NOPCHAP1: variants seen among roughly 807,000 people sequenced by gnomAD.
NOPCHAP1 encodes NOP protein chaperone 1.
NOPCHAP1 carries 13 observed loss-of-function variants against 14.0 expected under a neutral mutation model. The observed-to-expected ratio is 0.93, with a 90% CI of 0.60 to 1.47. NOPCHAP1 has a LOEUF of 1.47. NOPCHAP1 is among the 40% of genes most tolerant of loss of function. The pLI, the probability that NOPCHAP1 is intolerant of heterozygous loss-of-function variation, is 0.00. For synonymous variants in NOPCHAP1, 78 were observed against 78.4 expected (o/e 1.00, Z 0.03); for missense variants, 230 against 226.9 (o/e 1.01, Z -0.09).
chr12:104,991,835 A>C lies in NOPCHAP1; in HGVS notation c.326A>C (p.Lys109Thr), dbSNP rs749405652. ...GAAAACATTGATGGGCCTCATAGTA[A>C]AGTTATACAAATGGTAACTATGCTT... ...NIENIDGPHSKVIQMDVALFE... is the reference protein window; with the variant it reads ...NIENIDGPHSTVIQMDVALFE... Residue 109 changes from lysine (K) to threonine (T), a missense_variant, in exon 3 of 4, where the codon AAA (lysine) becomes ACA (threonine). Coordinates refer to ENST00000552951, the MANE Select transcript of NOPCHAP1 (RefSeq NM_152318.3). 7 of 1,608,324 alleles carry C rather than the reference A, an allele frequency of 4.4e-6. No individual in the cohort carries two copies. The highest frequency in any genetic ancestry group is 5.1e-6 in the Non-Finnish European group (6 of 1,178,508).
Position 105,016,427 on chromosome 12 carries a change from G to A in NOPCHAP1, c.*21731G>A, listed in dbSNP as rs181826074. The A allele has an allele frequency of 1.2e-4, 19 of 152,294 alleles. 1 individual carries two copies. The East Asian group carries it at 3.3e-3, about 26-fold the overall frequency. 9.4% of individuals were successfully genotyped at this position (152,294 alleles called of 1,614,324 possible). On this transcript the variant is annotated 3_prime_UTR_variant, in exon 4 of 4. Transcript: ENST00000552951. Reference sequence around the variant, plus strand: ...TGGAGTTGTAAATGTAACTTTTGAGGACTTTATTGTATGTATGCGTATTAG... The same window carrying A: ...TGGAGTTGTAAATGTAACTTTTGAGAACTTTATTGTATGTATGCGTATTAG...
rs1193344182 is a variant in NOPCHAP1, at chr12:104,986,382, C to A, written c.30C>A (p.Ser10Arg). Residue 10 changes from serine (S) to arginine (R), a missense_variant, in exon 1 of 4, where the codon AGC becomes AGA. Ser to Arg is a moderately radical substitution (Grantham distance 110, BLOSUM62 -1). Coordinates refer to ENST00000552951, the MANE Select transcript of NOPCHAP1 (RefSeq NM_152318.3). MEVHGKPKASPSCSSPTRDS... is the reference protein window; with the variant it reads MEVHGKPKARPSCSSPTRDS... ...AGGTCCATGGCAAGCCCAAGGCTAG[C>A]CCGAGTTGTTCGTCGCCCACCCGGG... 1 of 1,611,320 alleles carries A rather than the reference C, an allele frequency of 6.2e-7. No homozygotes were observed. The highest frequency in any genetic ancestry group is 8.5e-7 in the Non-Finnish European group (1 of 1,178,930).
rs559158870 is a variant in NOPCHAP1, at chr12:105,006,619, C to T, written c.*11923C>T. On this transcript the variant is annotated 3_prime_UTR_variant, in exon 4 of 4. Transcript: ENST00000552951. Reference sequence around the variant, plus strand: ...CAGAAGACTGGCAACTCGTATTTATCTTTTCCCTTCCAGGCTCAGGGGTTA... The same window carrying T: ...CAGAAGACTGGCAACTCGTATTTATTTTTTCCCTTCCAGGCTCAGGGGTTA... 1 of 152,352 alleles carries T rather than the reference C, an allele frequency of 6.6e-6. No individual in the cohort carries two copies. The highest frequency in any genetic ancestry group is 1.5e-5 in the Non-Finnish European group (1 of 68,040). 9.4% of individuals were successfully genotyped at this position (152,352 alleles called of 1,614,324 possible).
rs1015032327 is a variant in NOPCHAP1 at position 105,006,259 on chromosome 12, A to G, written c.*11563A>G. 3.3e-5 allele frequency: 5 copies of G among 152,156 alleles called. No individual in the cohort carries two copies. Among genetic ancestry groups the G allele is most frequent in the Non-Finnish European group, 7.3e-5 (5 of 68,032 alleles). 9.4% of individuals were successfully genotyped at this position (152,156 alleles called of 1,614,324 possible). On this transcript the variant is annotated 3_prime_UTR_variant, in exon 4 of 4. Transcript: ENST00000552951. ...CAATGATATTGTCTTCAATGGTGTAATCATTCTAGAATTTCATGATGTTCT... is the reference window on the plus strand; with the variant it reads ...CAATGATATTGTCTTCAATGGTGTAGTCATTCTAGAATTTCATGATGTTCT...
At position 105,016,279 on chromosome 12, in the gene NOPCHAP1, A is replaced by G. The variant is rs1383919923; in HGVS notation, c.*21583A>G. The G allele has an allele frequency of 6.6e-6, 1 of 152,216 alleles. No homozygotes were observed. The highest frequency in any genetic ancestry group is 1.9e-4 in the East Asian group (1 of 5,202). 9.4% of individuals were successfully genotyped at this position (152,216 alleles called of 1,614,324 possible). A position where few individuals can be genotyped will look rare whatever the true frequency, so the allele number is the denominator to read the frequency against. On this transcript the variant is annotated 3_prime_UTR_variant, in exon 4 of 4. Transcript: ENST00000552951. ...CATTTATCAGAGAAATGCAAATGAAATCAGGATTGCATTCTTCACCTGTCA... is the reference window on the plus strand; with the variant it reads ...CATTTATCAGAGAAATGCAAATGAAGTCAGGATTGCATTCTTCACCTGTCA...
In NOPCHAP1 at chr12:105,012,272, C is replaced by T. The variant is rs1265268026; in HGVS notation, c.*17576C>T. The T allele has an allele frequency of 6.6e-6, 1 of 152,132 alleles. No homozygotes were observed. The highest frequency in any genetic ancestry group is 1.5e-5 in the Non-Finnish European group (1 of 68,038). The allele number at this position is 152,132 out of a possible 1,614,324, so 9.4% of individuals were successfully genotyped here. A position where few individuals can be genotyped will look rare whatever the true frequency, so the allele number is the denominator to read the frequency against. On this transcript the variant is annotated 3_prime_UTR_variant, in exon 4 of 4. Transcript: ENST00000552951. The stretch of plus-strand genomic sequence containing the variant: ...TCTGATATCCTTTCTCCCACTTGAT[C>T]GATTAGGCCATTGATACTTGTGTAT...
rs1395268130 is a variant in NOPCHAP1, at chr12:105,007,569, C to T, written c.*12873C>T. 3.3e-5 allele frequency: 5 copies of T among 152,282 alleles called. No individual in the cohort carries two copies. The highest frequency in any genetic ancestry group is 3.4e-3 in the Middle Eastern group (1 of 294). 9.4% of individuals were successfully genotyped at this position (152,282 alleles called of 1,614,324 possible). ...TAAGAGATCACTTGCAGGTTTGTTACGTAGGTATACACGTTCCATGACGGT... is the reference window on the plus strand; with the variant it reads ...TAAGAGATCACTTGCAGGTTTGTTATGTAGGTATACACGTTCCATGACGGT... On this transcript the variant is annotated 3_prime_UTR_variant, in exon 4 of 4. Coordinates refer to ENST00000552951, the MANE Select transcript of NOPCHAP1 (RefSeq NM_152318.3).
At position 104,999,656 on chromosome 12, in the gene NOPCHAP1, C is replaced by G. The variant is rs992842100; in HGVS notation, c.*4960C>G. On this transcript the variant is annotated 3_prime_UTR_variant, in exon 4 of 4. Coordinates refer to ENST00000552951, the MANE Select transcript of NOPCHAP1 (RefSeq NM_152318.3). The stretch of plus-strand genomic sequence containing the variant: ...ATGCTCCCGCACCAAAGCCTCTGGG[C>G]TCTGCACCAGCTAGAATTCTGCCCT... 2 of 140,394 alleles carry G rather than the reference C, an allele frequency of 1.4e-5. No individual in the cohort carries two copies. Among genetic ancestry groups the G allele is most frequent in the African/African-American group, 2.8e-5 (1 of 35,808 alleles). 8.7% of individuals were successfully genotyped at this position (140,394 alleles called of 1,614,324 possible).
rs1436213632 is a variant in NOPCHAP1, at chr12:105,016,828, G to A, written c.*22132G>A. ...CAGTATGTTATGGCCTTATATAAAA[G>A]TTGTTTTGTTTGTAAGCAGTTTGCC... On this transcript the variant is annotated 3_prime_UTR_variant, in exon 4 of 4. Coordinates refer to ENST00000552951, the MANE Select transcript of NOPCHAP1 (RefSeq NM_152318.3). 2 of 152,170 alleles carry A rather than the reference G, an allele frequency of 1.3e-5. No individual in the cohort carries two copies. The highest frequency in any genetic ancestry group is 2.9e-5 in the Non-Finnish European group (2 of 68,036). 9.4% of individuals were successfully genotyped at this position (152,170 alleles called of 1,614,324 possible).
Position 104,994,597 on chromosome 12 carries a change from AT to A in NOPCHAP1, c.460del (p.Ser154LeufsTer5), listed in dbSNP as rs1487763531. ...ESEDEDDSIP[S>X]EVTIDNIKLP... Reference sequence around the variant, plus strand: ...CAGAAGACGAAGATGACAGCATCCCATCTGAAGTCACCATAGATAACATTAA... The same window carrying A: ...CAGAAGACGAAGATGACAGCATCCCACTGAAGTCACCATAGATAACATTAA... On this transcript the variant is annotated frameshift_variant, in exon 4 of 4. Transcript: ENST00000552951. LOFTEE classifies it high-confidence loss of function. 3 of 1,613,546 alleles carry A rather than the reference AT, an allele frequency of 1.9e-6. No individual in the cohort carries two copies. In the Admixed American group the frequency reaches 5.0e-5, roughly 27 times the overall value.
At chr12:104,987,835 T>TA (rs543780296) in intron 1 of NOPCHAP1, among the ~76,000 whole-genome samples, 99 of 152,342 alleles carry the variant, frequency 6.5e-4, no homozygotes, top group African/African-American at 2.3e-3. Flanking sequence ...TAACCATTGT[T>TA]ATGCTCTGTA....
At position 105,004,897 on chromosome 12, in the gene NOPCHAP1, T is replaced by C. The variant is rs1472992039; in HGVS notation, c.*10201T>C. The C allele has an allele frequency of 1.3e-5, 2 of 152,224 alleles. No individual in the cohort carries two copies. 9.4% of individuals were successfully genotyped at this position (152,224 alleles called of 1,614,324 possible). A position where few individuals can be genotyped will look rare whatever the true frequency, so the allele number is the denominator to read the frequency against. On this transcript the variant is annotated 3_prime_UTR_variant, in exon 4 of 4. Transcript: ENST00000552951. ...TAACACATATTGTATATGTTATATG[T>C]ATTATATATTGTATTTTTACAATAA... is the stretch of plus-strand genomic sequence containing the variant.
At position 105,004,040 on chromosome 12, in the gene NOPCHAP1, T is replaced by G. The variant is rs1873661729; in HGVS notation, c.*9344T>G. The G allele has an allele frequency of 6.6e-6, 1 of 152,256 alleles. No homozygotes were observed. The highest frequency in any genetic ancestry group is 1.5e-5 in the Non-Finnish European group (1 of 68,052). 9.4% of individuals were successfully genotyped at this position (152,256 alleles called of 1,614,324 possible). A position where few individuals can be genotyped will look rare whatever the true frequency, so the allele number is the denominator to read the frequency against. ...CCAAGGGAGTCTCAGGCTAATGGCC[T>G]CCTGCTTATTTAATTTCACATATGT... On this transcript the variant is annotated 3_prime_UTR_variant, in exon 4 of 4. Coordinates refer to ENST00000552951, the MANE Select transcript of NOPCHAP1 (RefSeq NM_152318.3).
chr12:104,989,008 AT>A (rs769118200), intron 2 of NOPCHAP1, among the ~76,000 whole-genome samples: 2,139 of 143,010 alleles, frequency 0.015, 12 homozygotes, highest in Middle Eastern at 0.03. Flanking sequence ...AGAAGGTGTA[AT>A]TTTTTTTTTT....
intron 1 of NOPCHAP1, among the ~76,000 whole-genome samples, chr12:104,986,838 TA>T (rs35833777): frequency 0.022 from 3,354 of 152,280 alleles, 93 homozygotes; most frequent in East Asian, 0.14. Flanking sequence ...AGTTGGCTGA[TA>T]GGGGGAAGCG....
chr12:104,999,500 C>T lies in NOPCHAP1; in HGVS notation c.*4804C>T, dbSNP rs11112292. 14,842 of 152,276 alleles carry T rather than the reference C, an allele frequency of 0.097. 824 individuals carry two copies. Among genetic ancestry groups the T allele is most frequent in the African/African-American group, 0.14 (5,770 of 41,494 alleles). The allele number at this position is 152,276 out of a possible 1,614,324, so 9.4% of individuals were successfully genotyped here. ...CAGGAAACTGAGGAGTGCTTAGTTC[C>T]GATCGGCCAGGTCTCATAGGCAAGA... On this transcript the variant is annotated 3_prime_UTR_variant, in exon 4 of 4. Coordinates refer to ENST00000552951, the MANE Select transcript of NOPCHAP1 (RefSeq NM_152318.3).
At position 105,004,170 on chromosome 12, in the gene NOPCHAP1, C is replaced by T. The variant is rs1043684042; in HGVS notation, c.*9474C>T. The T allele has an allele frequency of 6.6e-6, 1 of 152,118 alleles. No homozygotes were observed. Among genetic ancestry groups the T allele is most frequent in the Non-Finnish European group, 1.5e-5 (1 of 68,018 alleles). The allele number at this position is 152,118 out of a possible 1,614,324, so 9.4% of individuals were successfully genotyped here. A position where few individuals can be genotyped will look rare whatever the true frequency, so the allele number is the denominator to read the frequency against. ...CCCAGGGTAGAATGATCTTTATTCT[C>T]TTCTATGGTAGAGTTTAGAAAGCTT... On this transcript the variant is annotated 3_prime_UTR_variant, in exon 4 of 4. Transcript: ENST00000552951.
rs1378261127 is a variant in NOPCHAP1, at chr12:105,009,413, G to A, written c.*14717G>A. On this transcript the variant is annotated 3_prime_UTR_variant, in exon 4 of 4. Coordinates refer to ENST00000552951, the MANE Select transcript of NOPCHAP1 (RefSeq NM_152318.3). The stretch of plus-strand genomic sequence containing the variant: ...TAAATATCATGTCATCTGCAAACAG[G>A]GACAATTTGACTTCCTCTCTTCCTA... The A allele has an allele frequency of 1.3e-5, 2 of 152,106 alleles. No individual in the cohort carries two copies. The highest frequency in any genetic ancestry group is 2.9e-5 in the Non-Finnish European group (2 of 68,016). The allele number at this position is 152,106 out of a possible 1,614,324, so 9.4% of individuals were successfully genotyped here.
intron 1 of NOPCHAP1, among the ~76,000 whole-genome samples, chr12:104,987,666 T>G (rs374076993): frequency 3.9e-5 from 6 of 151,996 alleles, no homozygotes; most frequent in African/African-American, 1.4e-4. Flanking sequence ...AAAGGTAGAG[T>G]GGGTGACAAA....
Sources: allele counts gnomAD v4.1 joint callset (sites outside exome capture counted in the v4.1 genomes callset), GRCh38; gene constraint gnomAD v4.1.1; transcripts MANE v1.5; gene names NCBI Gene and HGNC (gene_info 2026-07-23, HGNC 2026-07-21).